The following GABBR2 variants were observed in gnomAD, a reference collection of about 807,000 sequenced individuals.
The protein encoded by GABBR2 is G-protein coupled receptor 51.
In GABBR2, 23 loss-of-function variants were observed where a neutral mutation model predicts 105.6. That is an observed-to-expected ratio of 0.22 (90% CI 0.16 to 0.31). GABBR2 has a LOEUF of 0.31. Ranked by LOEUF, GABBR2 falls within the 10% of genes least tolerant of loss-of-function variation. The pLI is 1.00. For synonymous variants in GABBR2, 478 were observed against 499.7 expected, an observed-to-expected ratio of 0.96 and a Z score of 0.58; for missense variants, 734 against 1,245.5, an observed-to-expected ratio of 0.59 and a Z score of 6.18.
At chr9:98,382,001 C>T (rs1222089049) in intron 11 of GABBR2, among the ~76,000 whole-genome samples, 1 of 152,112 alleles carries the variant, frequency 6.6e-6, no homozygotes, top group South Asian at 2.1e-4. Flanking sequence ...GCTTTCATAG[C>T]CTTTGGCTTG....
intron 1 of GABBR2, among the ~76,000 whole-genome samples, chr9:98,664,820 G>A (rs954951325): frequency 2.6e-5 from 4 of 152,130 alleles, no homozygotes; most frequent in African/African-American, 4.8e-5. Flanking sequence ...AGATATTCTC[G>A]CCAAAGGAAA....
At chr9:98,580,147 C>G (rs894747635) in intron 1 of GABBR2, among the ~76,000 whole-genome samples, 1 of 152,138 alleles carries the variant, frequency 6.6e-6, no homozygotes, top group African/African-American at 2.4e-5. Flanking sequence ...CTTCCAGTTC[C>G]CTGAAATCAA....
intron 1 of GABBR2, among the ~76,000 whole-genome samples, chr9:98,679,225 G>C (rs999782051): frequency 6.6e-6 from 1 of 152,162 alleles, no homozygotes; most frequent in Admixed American, 6.5e-5. Flanking sequence ...TTAAAATATT[G>C]GAAAGGACAA....
chr9:98,701,475 C>T (rs1419897548), intron 1 of GABBR2, among the ~76,000 whole-genome samples: 1 of 152,098 alleles, frequency 6.6e-6, no homozygotes, highest in African/African-American at 2.4e-5. Flanking sequence ...GTAGTGCCAC[C>T]TCAGTCCTTA....
intron 7 of GABBR2, among the ~76,000 whole-genome samples, chr9:98,447,060 C>CTTTTTTTTTTTTTTTTT: frequency 8.6e-6 from 1 of 115,874 alleles, no homozygotes; most frequent in African/African-American, 3.7e-5. Context: ...CTAAAAAAGA[C>CTTTTTTTTTTTTTTTTT]TTCTTTTTTT....
chr9:98,576,573 C>T (rs2779524), intron 2 of GABBR2, among the ~76,000 whole-genome samples: 17,923 of 152,182 alleles, frequency 0.12, 1,388 homozygotes, highest in Admixed American at 0.21. Context: ...CTACTACTTA[C>T]TAGCTGTGAG....
At chr9:98,691,480 A>G (rs1393443824) in intron 1 of GABBR2, among the ~76,000 whole-genome samples, 1 of 152,136 alleles carries the variant, frequency 6.6e-6, no homozygotes, top group African/African-American at 2.4e-5. Context: ...CTCTCCGTTG[A>G]CTGGGGGGTT....
At chr9:98,545,029 T>C (rs942231232) in intron 2 of GABBR2, among the ~76,000 whole-genome samples, 3 of 152,170 alleles carry the variant, frequency 2.0e-5, no homozygotes, top group African/African-American at 7.2e-5. Flanking sequence ...ACATTATATA[T>C]ACCATCACAT....
chr9:98,651,614 T>C (rs1212190133), intron 1 of GABBR2, among the ~76,000 whole-genome samples: 7 of 151,908 alleles, frequency 4.6e-5, no homozygotes, highest in Admixed American at 4.6e-4. Context: ...TAAAAAAAAA[T>C]TAGAGATGGG....
At chr9:98,359,193 T>C (rs10125863) in intron 13 of GABBR2, among the ~76,000 whole-genome samples, 7,955 of 152,232 alleles carry the variant, frequency 0.052, 531 homozygotes, top group African/African-American at 0.16. Context: ...TTTGGGAGGC[T>C]GAGGCAGGTG....
At chr9:98,616,216 T>G (rs748742032) in intron 1 of GABBR2, among the ~76,000 whole-genome samples, 28 of 152,182 alleles carry the variant, frequency 1.8e-4, no homozygotes, top group Non-Finnish European at 3.2e-4. Flanking sequence ...CCATCCTAAT[T>G]TTCCAACATG....
chr9:98,573,689 T>A (rs1828868797), intron 2 of GABBR2, among the ~76,000 whole-genome samples: 1 of 152,234 alleles, frequency 6.6e-6, no homozygotes, highest in African/African-American at 2.4e-5. Flanking sequence ...ATTTATTTAA[T>A]AAGAGAATAC....
rs1490004055 is a variant in GABBR2 at position 98,311,223 on chromosome 9, A to G, written c.1894-18T>C. On this transcript the variant is annotated intron_variant, in intron 13 of 18. Transcript: ENST00000259455. ...GGGTCCGGCTGTGCAAAGAGAAAAC[A>G]GAGACTCAGGGATGGCACAGGACAC... is the stretch of plus-strand genomic sequence containing the variant. 5.3e-6 allele frequency: 8 copies of G among 1,508,122 alleles called. 1 individual carries two copies. In the East Asian group the frequency reaches 1.8e-4, roughly 34 times the overall value. 93.4% of individuals were successfully genotyped at this position (1,508,122 alleles called of 1,614,324 possible).
intron 12 of GABBR2, among the ~76,000 whole-genome samples, chr9:98,364,448 G>A (rs1440677553): frequency 6.6e-6 from 1 of 152,200 alleles, no homozygotes; most frequent in African/African-American, 2.4e-5. Flanking sequence ...TCAAGATTGA[G>A]CCCAAGCAGC....
At chr9:98,438,927 C>A (rs1171056885) in intron 7 of GABBR2, among the ~76,000 whole-genome samples, 1 of 152,122 alleles carries the variant, frequency 6.6e-6, no homozygotes, top group Non-Finnish European at 1.5e-5. Context: ...CTCTTTCCCA[C>A]TCTCTTCTGA....
At chr9:98,560,285 T>C (rs2131759895) in intron 2 of GABBR2, among the ~76,000 whole-genome samples, 1 of 152,168 alleles carries the variant, frequency 6.6e-6, no homozygotes, top group East Asian at 1.9e-4. Context: ...TAGAGTCACA[T>C]GGAGAAAAAT....
At chr9:98,556,532 T>G in intron 2 of GABBR2, among the ~76,000 whole-genome samples, 1 of 151,890 alleles carries the variant, frequency 6.6e-6, no homozygotes, top group East Asian at 1.9e-4. Flanking sequence ...TTTTATTCCA[T>G]GGGGCAGGGG....
intron 6 of GABBR2, among the ~76,000 whole-genome samples, chr9:98,459,724 G>A (rs1228017737): frequency 6.6e-6 from 1 of 152,168 alleles, no homozygotes; most frequent in Non-Finnish European, 1.5e-5. Flanking sequence ...TGGAGTCCAG[G>A]GTCAGTAAAT....
chr9:98,510,187 A>G (rs895441770), intron 3 of GABBR2, among the ~76,000 whole-genome samples: 2 of 152,132 alleles, frequency 1.3e-5, no homozygotes, highest in African/African-American at 2.4e-5. Context: ...ATAAGTGAAG[A>G]AGAAATAAAA....
Sources: allele counts gnomAD v4.1 joint callset (sites outside exome capture counted in the v4.1 genomes callset), GRCh38; gene constraint gnomAD v4.1.1; transcripts MANE v1.5; gene names NCBI Gene and HGNC (gene_info 2026-07-23, HGNC 2026-07-21).